The following GPC5 variants were observed in gnomAD, a reference collection of about 807,000 sequenced individuals.
GPC5 encodes the protein glypican-5.
In GPC5, 47 loss-of-function variants were observed where a neutral mutation model predicts 53.9. The observed-to-expected ratio is 0.87, with a 90% CI of 0.69 to 1.11. The LOEUF (loss-of-function observed/expected upper bound fraction) is 1.11. GPC5 is among the 50% of genes most tolerant of loss of function. The pLI, the probability that GPC5 is intolerant of heterozygous loss-of-function variation, is 0.00. For missense variants in GPC5, 748 were observed against 713.1 expected (o/e 1.05, Z -0.56); for synonymous variants, 286 against 263.3 (o/e 1.09, Z -0.84).
intron 6 of GPC5, among the ~76,000 whole-genome samples, chr13:92,056,891 T>C (rs1324949938): frequency 6.6e-6 from 1 of 152,180 alleles, no homozygotes; most frequent in African/African-American, 2.4e-5. Flanking sequence ...AATTCAAATA[T>C]CATAAAACAG....
chr13:92,744,501 AG>A (rs1343394550), intron 7 of GPC5, among the ~76,000 whole-genome samples: 2 of 151,082 alleles, frequency 1.3e-5, no homozygotes, highest in African/African-American at 4.9e-5. Context: ...AAGACTATAC[AG>A]GAAAAAAAAA....
At chr13:92,050,657 C>T (rs895705440) in intron 6 of GPC5, among the ~76,000 whole-genome samples, 3 of 152,152 alleles carry the variant, frequency 2.0e-5, no homozygotes, top group African/African-American at 7.2e-5. Flanking sequence ...TTCACATAAA[C>T]AATTTTTACA....
At chr13:91,740,051 C>G (rs1409153874) in intron 4 of GPC5, among the ~76,000 whole-genome samples, 1 of 151,882 alleles carries the variant, frequency 6.6e-6, no homozygotes, top group Non-Finnish European at 1.5e-5. Context: ...CTTGTGGTAT[C>G]TGGCTGAAGC....
intron 7 of GPC5, among the ~76,000 whole-genome samples, chr13:92,667,974 A>G (rs534198450): frequency 6.6e-6 from 1 of 152,284 alleles, no homozygotes; most frequent in East Asian, 1.9e-4. Flanking sequence ...TCCTAGACAC[A>G]CTAAAGAGGT....
intron 7 of GPC5, among the ~76,000 whole-genome samples, chr13:92,860,264 G>A (rs1435122119): frequency 6.6e-6 from 1 of 152,044 alleles, no homozygotes; most frequent in East Asian, 1.9e-4. Flanking sequence ...TGTTTCACAA[G>A]GAATAGAAAA....
At position 92,341,279 on chromosome 13, in the gene GPC5, G is replaced by A. The variant is rs535157329; in HGVS notation, c.1561+196290G>A. 5.2e-4 allele frequency among the ~76,000 whole-genome samples: 79 copies of A among 152,172 alleles called. 1 individual carries two copies. The highest frequency in any genetic ancestry group is 8.4e-4 in the Non-Finnish European group (57 of 67,992). On this transcript the variant is annotated intron_variant, in intron 7 of 7. Transcript: ENST00000377067. ...CAATAAACTTTATCTCATCAAGCAC[G>A]TATGGAGAAAATAAATTTAGTCACT...
intron 7 of GPC5, among the ~76,000 whole-genome samples, chr13:92,219,222 G>A (rs1434664703): frequency 6.6e-6 from 1 of 151,900 alleles, no homozygotes; most frequent in Admixed American, 6.6e-5. Context: ...GAGGCAAAGA[G>A]GCTCATTCTT....
intron 2 of GPC5, among the ~76,000 whole-genome samples, chr13:91,506,411 C>T (rs189240420): frequency 2.6e-5 from 4 of 152,206 alleles, no homozygotes; most frequent in African/African-American, 9.6e-5. Flanking sequence ...TTAGTAATGA[C>T]TTTCCCTGTT....
At chr13:92,670,383 T>G (rs1886705974) in intron 7 of GPC5, among the ~76,000 whole-genome samples, 1 of 152,174 alleles carries the variant, frequency 6.6e-6, no homozygotes, top group Non-Finnish European at 1.5e-5. Flanking sequence ...AACATTGCTT[T>G]TATTCATGGG....
rs537356177 is a variant in GPC5, at chr13:92,099,115, G to A, written c.1402-45715G>A. Among the ~76,000 whole-genome samples the A allele has an allele frequency of 2.9e-4, 44 of 152,056 alleles. 1 individual carries two copies. Among genetic ancestry groups the A allele is most frequent in the African/African-American group, 9.6e-4 (40 of 41,458 alleles). On this transcript the variant is annotated intron_variant, in intron 6 of 7. Coordinates refer to ENST00000377067, the MANE Select transcript of GPC5 (RefSeq NM_004466.6). ...GAGTTCTGAAATTTTCCCAAGACAAGTTTTTTTCCCCTCCACACCAACTAT... is the reference window on the plus strand; with the variant it reads ...GAGTTCTGAAATTTTCCCAAGACAAATTTTTTTCCCCTCCACACCAACTAT...
chr13:92,237,646 A>T (rs1414684656), intron 7 of GPC5, among the ~76,000 whole-genome samples: 1 of 152,114 alleles, frequency 6.6e-6, no homozygotes, highest in African/African-American at 2.4e-5. Context: ...AACATCATTA[A>T]TTTTTTATGG....
intron 6 of GPC5, among the ~76,000 whole-genome samples, chr13:91,933,064 A>T (rs780300808): frequency 1.3e-5 from 2 of 151,866 alleles, no homozygotes; most frequent in Non-Finnish European, 2.9e-5. Flanking sequence ...TGTCAAAGGG[A>T]TCTAGTTTGT....
At chr13:92,248,056 T>C (rs2042665703) in intron 7 of GPC5, among the ~76,000 whole-genome samples, 1 of 152,098 alleles carries the variant, frequency 6.6e-6, no homozygotes. Context: ...ATGTAGATAA[T>C]GGCAAGTTAG....
At chr13:92,328,322 G>C (rs1188943903) in intron 7 of GPC5, among the ~76,000 whole-genome samples, 1 of 152,114 alleles carries the variant, frequency 6.6e-6, no homozygotes, top group Non-Finnish European at 1.5e-5. Context: ...TATACAACCA[G>C]ATAGGGAGTT....
At chr13:91,772,969 C>T (rs1199386844) in intron 5 of GPC5, among the ~76,000 whole-genome samples, 3 of 152,008 alleles carry the variant, frequency 2.0e-5, no homozygotes, top group East Asian at 3.9e-4. Flanking sequence ...TGGAAGAACA[C>T]ATTTGTATTG....
intron 1 of GPC5, among the ~76,000 whole-genome samples, chr13:91,411,287 G>C (rs931719992): frequency 1.3e-5 from 2 of 152,234 alleles, no homozygotes; most frequent in Non-Finnish European, 2.9e-5. Context: ...CAAGTGAGTA[G>C]GAGTTACTTC....
At chr13:92,307,030 G>T (rs1727253167) in intron 7 of GPC5, among the ~76,000 whole-genome samples, 1 of 152,134 alleles carries the variant, frequency 6.6e-6, no homozygotes, top group Admixed American at 6.5e-5. Flanking sequence ...TTATGGTAGA[G>T]AGCAAGAGCC....
At chr13:91,650,260 C>T (rs1011497278) in intron 2 of GPC5, among the ~76,000 whole-genome samples, 5 of 152,098 alleles carry the variant, frequency 3.3e-5, no homozygotes, top group Non-Finnish European at 5.9e-5. Context: ...TCATCCTACC[C>T]TTCATCAATA....
At position 92,044,125 on chromosome 13, in the gene GPC5, C is replaced by T. The variant is rs186180381; in HGVS notation, c.1402-100705C>T. Among the ~76,000 whole-genome samples, 296 of 152,288 alleles carry T rather than the reference C, an allele frequency of 1.9e-3. 2 individuals carry two copies. Among genetic ancestry groups the T allele is most frequent in the Non-Finnish European group, 1.6e-3 (108 of 68,006 alleles). ...GGTCCTGGCGTTATTCTTCTTAGTT[C>T]TACCCTGTACAACGTTTCCTGTACC... On this transcript the variant is annotated intron_variant, in intron 6 of 7. Transcript: ENST00000377067.
Sources: gnomAD v4.1 joint callset for allele counts (sites outside exome capture counted in the v4.1 genomes callset) on GRCh38, gnomAD v4.1.1 for gene constraint, MANE v1.5 for transcripts, NCBI Gene and HGNC (gene_info 2026-07-23, HGNC 2026-07-21) for gene names.